The following DNAH6 variants were observed in gnomAD, a reference collection of about 807,000 sequenced individuals.
The protein encoded by DNAH6 is dynein axonemal heavy chain 6.
A neutral mutation model predicts 491.4 loss-of-function variants in DNAH6; 340 were observed. That is an observed-to-expected ratio of 0.69 (90% CI 0.63 to 0.76). The LOEUF (loss-of-function observed/expected upper bound fraction) is 0.76. DNAH6 is among the 30% of genes least tolerant of loss of function. The probability of loss-of-function intolerance (pLI) is 0.00; values close to 1 mark genes in which losing one functional copy is unlikely to be tolerated. For missense variants in DNAH6, 4,443 were observed against 4,972.2 expected, an observed-to-expected ratio of 0.89 and a Z score of 3.20; for synonymous variants, 1,603 against 1,686.1, an observed-to-expected ratio of 0.95 and a Z score of 1.21.
chr2:84,763,901 G>C (rs1477408878), intron 64 of DNAH6, among the ~76,000 whole-genome samples: 2 of 152,042 alleles, frequency 1.3e-5, no homozygotes, highest in African/African-American at 4.8e-5. Context: ...GCAGGCTTGA[G>C]ACACAAGAAG....
chr2:84,476,375 C>T, the DNAH6 span, among the ~76,000 whole-genome samples: 2 of 152,176 alleles, frequency 1.3e-5, no homozygotes, highest in African/African-American at 4.8e-5. Flanking sequence ...GTTGCAACTA[C>T]AGGAGCAGTA....
chr2:84,652,625 A>G (rs1690558846), intron 33 of DNAH6, among the ~76,000 whole-genome samples: 1 of 152,002 alleles, frequency 6.6e-6, no homozygotes. Flanking sequence ...CCGCCTTACC[A>G]CAATGTTGCA....
chr2:84,808,131 ATGTGTGTGTGTGTGTG>A (rs35839006), intron 71 of DNAH6, among the ~76,000 whole-genome samples: 5 of 141,150 alleles, frequency 3.5e-5, no homozygotes, highest in Admixed American at 7.0e-5. Context: ...GTGTATATAT[ATGTGTGTGTGTGTGTG>A]TGTGTGTGTG....
At chr2:84,703,600 G>C in intron 50 of DNAH6, 38 bp downstream of exon 50, 1 of 1,504,714 alleles carries the variant, frequency 6.6e-7, no homozygotes, top group Non-Finnish European at 8.9e-7. Flanking sequence ...AAAGGCTTCT[G>C]TCAGCAACTG....
the DNAH6 span, among the ~76,000 whole-genome samples, chr2:84,467,280 A>G: frequency 1.3e-5 from 2 of 152,114 alleles, no homozygotes; most frequent in African/African-American, 4.8e-5. Context: ...CCTTCTTACA[A>G]TCTTTTTTTT....
At chr2:84,741,399 TA>T (rs1482099887) in intron 62 of DNAH6, among the ~76,000 whole-genome samples, 1 of 152,148 alleles carries the variant, frequency 6.6e-6, no homozygotes, top group East Asian at 1.9e-4. Flanking sequence ...AGTATTGTCC[TA>T]GGTATGAGTA....
At chr2:84,507,470 A>G in the DNAH6 span, among the ~76,000 whole-genome samples, 2 of 152,206 alleles carry the variant, frequency 1.3e-5, no homozygotes, top group African/African-American at 4.8e-5. Flanking sequence ...TTTTGGGCTG[A>G]GACGATGGGG....
At chr2:84,558,486 T>C (rs1680304232) in intron 11 of DNAH6, among the ~76,000 whole-genome samples, 1 of 151,376 alleles carries the variant, frequency 6.6e-6, no homozygotes, top group African/African-American at 2.4e-5. Flanking sequence ...TAGCAATCCA[T>C]CGATCCACAT....
intron 4 of DNAH6, among the ~76,000 whole-genome samples, chr2:84,541,694 A>G (rs947283539): frequency 6.6e-6 from 1 of 152,236 alleles, no homozygotes; most frequent in African/African-American, 2.4e-5. Context: ...GGAGGAAAGC[A>G]TGAGAGAAAC....
rs1697751451 is a variant in DNAH6 at position 84,718,341 on chromosome 2, T to A, written c.9749T>A (p.Ile3250Asn). Residue 3250 changes from isoleucine (I) to asparagine (N), a missense_variant, in exon 59 of 77, where the codon ATT (isoleucine) becomes AAT (asparagine). Ile to Asn is a moderately radical substitution (Grantham distance 149). Around this residue, in one of 3 missense-constraint regions of DNAH6, gnomAD observed 1,463 missense variants for 1,656.6 expected, o/e 0.88. Coordinates refer to ENST00000389394, the MANE Select transcript of DNAH6 (RefSeq NM_001370.2). ...ATGCTCTTTACCTCTGAAGGAAATA[T>A]TCTGGACAATGAAGAACTTATTGAC... ...LRMLFTSEGNILDNEELIDTL... is the reference protein window; with the variant it reads ...LRMLFTSEGNNLDNEELIDTL... The A allele has an allele frequency of 6.5e-7, 1 of 1,547,628 alleles. No individual in the cohort carries two copies. The highest frequency in any genetic ancestry group is 2.4e-5 in the East Asian group (1 of 40,860).
chr2:84,515,949 G>C (rs1311641762), upstream of DNAH6, among the ~76,000 whole-genome samples: 1 of 152,166 alleles, frequency 6.6e-6, no homozygotes, highest in Non-Finnish European at 1.5e-5. Context: ...TAGTTGGAAG[G>C]CCACAGTGGA....
intron 47 of DNAH6, 135 bp downstream of exon 47, chr2:84,697,862 A>G: frequency 1.1e-6 from 1 of 934,438 alleles, no homozygotes; most frequent in Non-Finnish European, 1.6e-6. Flanking sequence ...TTTGTATTCG[A>G]TGTATTTTAT....
At chr2:84,806,953 G>C (rs1679479069) in intron 71 of DNAH6, among the ~76,000 whole-genome samples, 1 of 152,206 alleles carries the variant, frequency 6.6e-6, no homozygotes. Context: ...ATAAGATAGA[G>C]TGCTGGTTGG....
chr2:84,576,236 T>C (rs892449546), intron 12 of DNAH6, among the ~76,000 whole-genome samples: 18 of 152,150 alleles, frequency 1.2e-4, no homozygotes, highest in African/African-American at 4.3e-4. Flanking sequence ...AGGGAGGTAA[T>C]TGCTGTTTCT....
At chr2:84,733,935 TTA>T (rs1373107890) in intron 62 of DNAH6, among the ~76,000 whole-genome samples, 1 of 151,986 alleles carries the variant, frequency 6.6e-6, no homozygotes, top group Non-Finnish European at 1.5e-5. Context: ...CAAATCAAAA[TTA>T]TAGTTTGATT....
the DNAH6 span, among the ~76,000 whole-genome samples, chr2:84,491,164 G>A: frequency 2.4e-4 from 37 of 152,270 alleles, no homozygotes; most frequent in Admixed American, 5.2e-4. Context: ...TCCAGAGAGT[G>A]TATTTTTACC....
intron 71 of DNAH6, among the ~76,000 whole-genome samples, chr2:84,806,199 A>G (rs1307843513): frequency 2.0e-5 from 3 of 152,226 alleles, no homozygotes; most frequent in Non-Finnish European, 4.4e-5. Flanking sequence ...ATTGGACAGT[A>G]TAGAGATAGA....
intron 21 of DNAH6, among the ~76,000 whole-genome samples, chr2:84,609,184 T>C (rs535314321): frequency 1.3e-5 from 2 of 152,314 alleles, no homozygotes; most frequent in East Asian, 3.9e-4. Context: ...CCATTCAAAC[T>C]TTCTCTATAT....
chr2:84,630,045 G>A (rs917218919), intron 29 of DNAH6, among the ~76,000 whole-genome samples: 5 of 152,068 alleles, frequency 3.3e-5, no homozygotes, highest in African/African-American at 1.2e-4. Flanking sequence ...GGTTTCCAGG[G>A]AAACAACTTA....
Sources: allele counts gnomAD v4.1 joint callset (sites outside exome capture counted in the v4.1 genomes callset), GRCh38; gene constraint gnomAD v4.1.1; regional missense constraint gnomAD v4.1.1; transcripts MANE v1.5; gene names NCBI Gene and HGNC (gene_info 2026-07-23, HGNC 2026-07-21).